The following MAGI2 variants were observed in gnomAD, a reference collection of about 807,000 sequenced individuals.
MAGI2 encodes membrane associated guanylate kinase, WW and PDZ domain containing 2.
A neutral mutation model predicts 133.3 loss-of-function variants in MAGI2; 35 were observed. The observed-to-expected ratio is 0.26, with a 90% confidence interval of 0.20 to 0.35. The LOEUF is 0.35. MAGI2 is among the 10% of genes least tolerant of loss of function. The probability of loss-of-function intolerance (pLI) is 1.00; values close to 1 mark genes in which losing one functional copy is unlikely to be tolerated. For synonymous variants in MAGI2, 729 were observed against 710.6 expected (o/e 1.03, Z -0.41); for missense variants, 1,636 against 1,863.4 (o/e 0.88, Z 2.25).
chr7:78,593,301 A>T (rs1475057173), intron 3 of MAGI2, among the ~76,000 whole-genome samples: 1 of 152,046 alleles, frequency 6.6e-6, no homozygotes, highest in African/African-American at 2.4e-5. Context: ...CTGAGGCAGG[A>T]GAATGGCGTG....
rs1397807214 is a variant in MAGI2 at position 78,229,171 on chromosome 7, G to A, written c.2047+26772C>T. Among the ~76,000 whole-genome samples the A allele has an allele frequency of 2.0e-5, 3 of 152,196 alleles. No homozygotes were observed. The East Asian group carries it at 5.8e-4, about 29-fold the overall frequency. On this transcript the variant is annotated intron_variant, in intron 10 of 21. Transcript: ENST00000354212. ...AGAATGGGAATGGTCTGTTAACTGG[G>A]GACTCTAACTGCCAACACCAGCCAA...
chr7:79,244,076 A>G (rs1832634197), intron 1 of MAGI2, among the ~76,000 whole-genome samples: 1 of 152,236 alleles, frequency 6.6e-6, no homozygotes, highest in Non-Finnish European at 1.5e-5. Flanking sequence ...AGGTCTTTGT[A>G]TAAGTAATGC....
intron 2 of MAGI2, among the ~76,000 whole-genome samples, chr7:78,734,279 T>G (rs748618620): frequency 6.6e-6 from 1 of 152,166 alleles, no homozygotes; most frequent in African/African-American, 2.4e-5. Context: ...TTTCCTTTAT[T>G]TTTGTAATAG....
At chr7:78,459,321 T>G (rs1341754762) in intron 6 of MAGI2, among the ~76,000 whole-genome samples, 1 of 152,208 alleles carries the variant, frequency 6.6e-6, no homozygotes, top group African/African-American at 2.4e-5. Flanking sequence ...CTAGATACAC[T>G]TTGCATAAAC....
chr7:78,353,717 GA>G (rs1159016294), intron 7 of MAGI2, among the ~76,000 whole-genome samples: 4 of 152,154 alleles, frequency 2.6e-5, no homozygotes, highest in African/African-American at 4.8e-5. Context: ...GGCATTTTAG[GA>G]AGAGAGTAGT....
intron 1 of MAGI2, among the ~76,000 whole-genome samples, chr7:79,446,309 A>G (rs529694890): frequency 7.1e-4 from 108 of 152,330 alleles, no homozygotes; most frequent in African/African-American, 2.4e-3. Flanking sequence ...CGAAATTTAA[A>G]GTACAATTAA....
intron 1 of MAGI2, among the ~76,000 whole-genome samples, chr7:79,304,791 G>A (rs1358253199): frequency 6.6e-6 from 1 of 152,168 alleles, no homozygotes; most frequent in Non-Finnish European, 1.5e-5. Context: ...GCCAATGTGA[G>A]CCCTTAATTT....
Position 78,630,666 on chromosome 7 carries a change from C to G in MAGI2, c.419-3427G>C, listed in dbSNP as rs148372142. Among the ~76,000 whole-genome samples the G allele has an allele frequency of 8.7e-3, 1,329 of 152,058 alleles. 12 individuals are homozygous for G. The highest frequency in any genetic ancestry group is 0.03 in the African/African-American group (1,245 of 41,468). ...TCCTGACCTTGTGATTCCCCCACCTCGGCCTCCCAAAGTGCTGTGATTACA... is the reference window on the plus strand; with the variant it reads ...TCCTGACCTTGTGATTCCCCCACCTGGGCCTCCCAAAGTGCTGTGATTACA... On this transcript the variant is annotated intron_variant, in intron 2 of 21. Coordinates refer to ENST00000354212, the MANE Select transcript of MAGI2 (RefSeq NM_012301.4).
At chr7:78,654,760 T>G (rs1291728914) in intron 2 of MAGI2, among the ~76,000 whole-genome samples, 2 of 144,114 alleles carry the variant, frequency 1.4e-5, no homozygotes, top group Non-Finnish European at 3.0e-5. Flanking sequence ...GCATATATTT[T>G]GCATCGCAAC....
intron 2 of MAGI2, among the ~76,000 whole-genome samples, chr7:78,921,806 G>T (rs993810105): frequency 2.6e-5 from 4 of 151,976 alleles, no homozygotes; most frequent in Admixed American, 6.6e-5. Flanking sequence ...TAATTTTTTT[G>T]TATTTTTATT....
chr7:79,069,703 T>C (rs999219757), intron 1 of MAGI2, among the ~76,000 whole-genome samples: 1 of 152,234 alleles, frequency 6.6e-6, no homozygotes, highest in Non-Finnish European at 1.5e-5. Flanking sequence ...ATAGCATTGA[T>C]GGTCTTTACA....
At chr7:79,110,946 A>T (rs574041633) in intron 1 of MAGI2, among the ~76,000 whole-genome samples, 1 of 152,106 alleles carries the variant, frequency 6.6e-6, no homozygotes, top group South Asian at 2.1e-4. Flanking sequence ...TGCTTTCACC[A>T]TGTGATGTGC....
chr7:79,254,184 G>C (rs1833524476), intron 1 of MAGI2, among the ~76,000 whole-genome samples: 1 of 152,004 alleles, frequency 6.6e-6, no homozygotes, highest in Non-Finnish European at 1.5e-5. Context: ...TCTGTGAACT[G>C]TCTGTTCATA....
chr7:78,551,074 TG>T (rs1288257536), intron 3 of MAGI2, among the ~76,000 whole-genome samples: 1 of 152,230 alleles, frequency 6.6e-6, no homozygotes, highest in Non-Finnish European at 1.5e-5. Context: ...AGTCAAAATA[TG>T]GGATGCTCAC....
intron 1 of MAGI2, among the ~76,000 whole-genome samples, chr7:79,390,580 G>C (rs1279153359): frequency 6.6e-6 from 1 of 152,030 alleles, no homozygotes; most frequent in African/African-American, 2.4e-5. Context: ...GTCAGGAAAA[G>C]GTAGAGTGTT....
chr7:78,609,105 C>G (rs541898470), intron 3 of MAGI2, among the ~76,000 whole-genome samples: 1 of 152,318 alleles, frequency 6.6e-6, no homozygotes, highest in South Asian at 2.1e-4. Flanking sequence ...TTTCTGCCTA[C>G]TTTATATTCA....
intron 3 of MAGI2, among the ~76,000 whole-genome samples, chr7:78,528,628 C>G (rs1797180229): frequency 6.6e-6 from 1 of 151,978 alleles, no homozygotes; most frequent in Admixed American, 6.6e-5. Flanking sequence ...GAAAATAAGA[C>G]AGAAATTCTT....
At chr7:79,125,925 T>G (rs185710432) in intron 1 of MAGI2, among the ~76,000 whole-genome samples, 1 of 152,232 alleles carries the variant, frequency 6.6e-6, no homozygotes, top group Non-Finnish European at 1.5e-5. Context: ...GTGGTGGCAG[T>G]GCCTAGCTGC....
chr7:78,708,672 C>T (rs905861626), intron 2 of MAGI2, among the ~76,000 whole-genome samples: 2 of 152,078 alleles, frequency 1.3e-5, no homozygotes, highest in African/African-American at 4.8e-5. Context: ...TTGCTAAGTG[C>T]ATCTTTAATA....
Sources: allele counts gnomAD v4.1 joint callset (sites outside exome capture counted in the v4.1 genomes callset), GRCh38; gene constraint gnomAD v4.1.1; transcripts MANE v1.5; gene names NCBI Gene and HGNC (gene_info 2026-07-23, HGNC 2026-07-21).